Variants in ACVRL1 observed in about 807,000 individuals in gnomAD.
The protein encoded by ACVRL1 is activin receptor type-1-like.
In ACVRL1, 20 loss-of-function variants were observed where a neutral mutation model predicts 51.9. The ratio of observed to expected loss-of-function variants is 0.39; its 90% CI spans 0.27 to 0.56. The LOEUF (loss-of-function observed/expected upper bound fraction) is 0.56, where lower values mean the gene tolerates loss of function less well. Among genes scored for constraint, ACVRL1 ranks in the 20% least tolerant of loss-of-function variants. The pLI is 0.67. For missense variants in ACVRL1, 451 were observed against 670.3 expected (o/e 0.67, Z 3.61); for synonymous variants, 288 against 280.9 (o/e 1.03, Z -0.25).
At chr12:51,920,664 A>G in intron 9 of ACVRL1, 95 bp from the exon 10 acceptor site, 2 of 1,415,896 alleles carry the variant, frequency 1.4e-6, no homozygotes, top group Non-Finnish European at 1.9e-6. Flanking sequence ...ATCTTCTCTG[A>G]CCCACCTCCC....
At position 51,907,895 on chromosome 12, in the gene ACVRL1, G is replaced by A. The variant is rs1386074914; in HGVS notation, c.-6+200G>A. 6.6e-6 allele frequency among the ~76,000 whole-genome samples: 1 copy of A among 152,224 alleles called. No homozygotes were observed. The highest frequency in any genetic ancestry group is 1.5e-5 in the Non-Finnish European group (1 of 68,032). Reference sequence around the variant, plus strand: ...ACCTGAGACTTGGAGGGGAATGGACGAGACTGGACTGGAAATCAGAAACTT... The same window carrying A: ...ACCTGAGACTTGGAGGGGAATGGACAAGACTGGACTGGAAATCAGAAACTT... On this transcript the variant is annotated intron_variant, in intron 1 of 9. Coordinates refer to ENST00000388922, the MANE Select transcript of ACVRL1 (RefSeq NM_000020.3). The surrounding 1 kb of genome is among the most constrained non-coding windows in gnomAD (Gnocchi z 4.5).
chr12:51,913,142 G>C lies in ACVRL1; in HGVS notation c.105G>C (p.Thr35=), dbSNP rs757588086. 1.2e-6 allele frequency: 2 copies of C among 1,607,028 alleles called. No individual in the cohort carries two copies. Among genetic ancestry groups the C allele is most frequent in the East Asian group, 4.5e-5 (2 of 44,748 alleles). The stretch of plus-strand genomic sequence containing the variant: ...CTCGGGGCCCGCTGGTGACCTGCAC[G>C]TGTGAGAGCCCACATTGCAAGGGGC... ...KPSRGPLVTC[T]CESPHCKGPT... is the part of the protein sequence containing the mutation. The change falls in exon 3 of 10, where the codon ACG becomes ACC. Residue 35 remains threonine, a synonymous_variant. Transcript: ENST00000388922.
At chr12:51,912,830 A>C (rs2139063503) in intron 2 of ACVRL1, among the ~76,000 whole-genome samples, 1 of 152,150 alleles carries the variant, frequency 6.6e-6, no homozygotes, top group African/African-American at 2.4e-5. Context: ...GAGAGCACTC[A>C]GGGCTGGGGC....
chr12:51,914,890 T>A lies in ACVRL1; in HGVS notation c.772+305T>A, dbSNP rs150466281. Among the ~76,000 whole-genome samples the A allele has an allele frequency of 0.082, 12,445 of 152,142 alleles. 594 individuals are homozygous for A. The highest frequency in any genetic ancestry group is 0.14 in the South Asian group (660 of 4,824). On this transcript the variant is annotated intron_variant, in intron 6 of 9. Transcript: ENST00000388922. ...TCTTGAGTAGCTGGGACCACAGGCA[T>A]GTGCCACCATGCCCAGCTAACTTTT...
rs1267659870 is a variant in ACVRL1, at chr12:51,912,634, G to A, written c.61+99G>A. 4.7e-6 allele frequency: 5 copies of A among 1,068,118 alleles called. No homozygotes were observed. The Admixed American group carries it at 5.8e-5, about 12-fold the overall frequency. The allele number at this position is 1,068,118 out of a possible 1,614,324, so 66.2% of individuals were successfully genotyped here. On this transcript the variant is annotated intron_variant, in intron 2 of 9. Transcript: ENST00000388922. ...GCCTGGGGCTGAACTTGAGAAGCTGGGGAGAATGTAGGAGCTTGACTGGAG... is the reference window on the plus strand; with the variant it reads ...GCCTGGGGCTGAACTTGAGAAGCTGAGGAGAATGTAGGAGCTTGACTGGAG...
intron 3 of ACVRL1, 94 bp from the exon 4 acceptor site, chr12:51,913,465 G>A (rs1940745894): frequency 1.5e-6 from 2 of 1,317,342 alleles, no homozygotes; most frequent in African/African-American, 1.5e-5. Flanking sequence ...GAGCGGGTGG[G>A]CAGGACTCTG....
chr12:51,918,258 G>C (rs1940886561), intron 8 of ACVRL1, among the ~76,000 whole-genome samples: 1 of 152,224 alleles, frequency 6.6e-6, no homozygotes, highest in Non-Finnish European at 1.5e-5. Flanking sequence ...GTGGACCTGG[G>C]TAAAAAGATA....
chr12:51,911,113 G>A (rs181849930), intron 1 of ACVRL1, among the ~76,000 whole-genome samples: 110 of 152,340 alleles, frequency 7.2e-4, no homozygotes, highest in African/African-American at 2.6e-3. Flanking sequence ...CCTGCCTGAG[G>A]ATCCAGTCCC....
chr12:51,913,227 CA>C lies in ACVRL1; in HGVS notation c.191del (p.Gln64ArgfsTer58). ...VLVREEGRHPQEHRGCGNLHR... is the reference protein window; with the variant it reads ...VLVREEGRHPXEHRGCGNLHR... ...GGTGCGGGAGGAGGGGAGGCACCCCCAGGAACATCGGGGCTGCGGGAACTTG... is the reference window on the plus strand; with the variant it reads ...GGTGCGGGAGGAGGGGAGGCACCCCCGGAACATCGGGGCTGCGGGAACTTG... On this transcript the variant is annotated frameshift_variant, in exon 3 of 10. Transcript: ENST00000388922. LOFTEE classifies it high-confidence loss of function. The C allele has an allele frequency of 6.3e-7, 1 of 1,590,218 alleles. No individual in the cohort carries two copies.
At chr12:51,910,507 G>A (rs576819149) in intron 1 of ACVRL1, among the ~76,000 whole-genome samples, 1 of 152,306 alleles carries the variant, frequency 6.6e-6, no homozygotes, top group East Asian at 1.9e-4. Flanking sequence ...ATTCTGATGC[G>A]TGATAAAGTA....
Position 51,917,131 on chromosome 12 carries a change from A to G in ACVRL1, c.1246+898A>G, listed in dbSNP as rs1044651206. 2.0e-5 allele frequency among the ~76,000 whole-genome samples: 3 copies of G among 152,194 alleles called. No homozygotes were observed. Among genetic ancestry groups the G allele is most frequent in the Non-Finnish European group, 2.9e-5 (2 of 68,034 alleles). On this transcript the variant is annotated intron_variant, in intron 8 of 9. Coordinates refer to ENST00000388922, the MANE Select transcript of ACVRL1 (RefSeq NM_000020.3). This position sits in a 1 kb window ranked among gnomAD's most constrained non-coding sequence, Gnocchi z 4.2. ...GAGTGCCTGACATCATATTGTCCCC[A>G]TTTTACAGTTGAGGAGACGGGGGCA...
chr12:51,913,402 C>T, intron 3 of ACVRL1, 52 bp downstream of exon 3: 3 of 1,597,610 alleles, frequency 1.9e-6, no homozygotes, highest in Non-Finnish European at 2.6e-6. Context: ...CCCCTGCCCT[C>T]CCTTCCCTCC....
In ACVRL1 at chr12:51,920,943, G is replaced by GGGGGGGGGGCCCC; in HGVS notation, c.*52_*53insGGGGGGGCCCCGG. The GGGGGGGGGGCCCC allele has an allele frequency of 1.2e-6, 1 of 860,108 alleles. No individual in the cohort carries two copies. 53.3% of individuals were successfully genotyped at this position (860,108 alleles called of 1,614,324 possible). A position where few individuals can be genotyped will look rare whatever the true frequency, so the allele number is the denominator to read the frequency against. Reference sequence around the variant, plus strand: ...GCCTGCAGGGGGCTGGGGGGGTGGGGGGCAGTGGATGGTGCCCTATCTGGG... The same window carrying GGGGGGGGGGCCCC: ...GCCTGCAGGGGGCTGGGGGGGTGGGGGGGGGGGGGCCCCGGCAGTGGATGGTGCCCTATCTGGG... On this transcript the variant is annotated 3_prime_UTR_variant, in exon 10 of 10. Coordinates refer to ENST00000388922, the MANE Select transcript of ACVRL1 (RefSeq NM_000020.3).
intron 7 of ACVRL1, chr12:51,915,768 C>T (rs1940822733): frequency 1.6e-6 from 1 of 644,586 alleles, no homozygotes; most frequent in Non-Finnish European, 2.6e-6. Flanking sequence ...TCGCCAGCCT[C>T]CAGGTCTGCT....
In ACVRL1 at chr12:51,913,215, G is replaced by A. The variant is rs1213329531; in HGVS notation, c.178G>A (p.Gly60Arg). Reference protein sequence around the residue: ...WCTVVLVREEGRHPQEHRGCG... With the variant: ...WCTVVLVREERRHPQEHRGCG... The stretch of plus-strand genomic sequence containing the variant: ...CACAGTAGTGCTGGTGCGGGAGGAG[G>A]GGAGGCACCCCCAGGAACATCGGGG... The change falls in exon 3 of 10, where the codon GGG becomes AGG. Residue 60 changes from glycine (G) to arginine (R), a missense_variant. Transcript: ENST00000388922. The A allele has an allele frequency of 1.9e-6, 3 of 1,590,658 alleles. No homozygotes were observed. Among genetic ancestry groups the A allele is most frequent in the African/African-American group, 1.3e-5 (1 of 74,754 alleles).
Position 51,920,824 on chromosome 12 carries a change from C to G in ACVRL1, c.1443C>G (p.Thr481=), listed in dbSNP as rs1219639551. The G allele has an allele frequency of 4.3e-6, 7 of 1,613,402 alleles. No homozygotes were observed. Among genetic ancestry groups the G allele is most frequent in the Non-Finnish European group, 5.9e-6 (7 of 1,179,696 alleles). Residue 481 remains threonine (T), a synonymous_variant, in exon 10 of 10, where the codon ACC becomes ACG. Coordinates refer to ENST00000388922, the MANE Select transcript of ACVRL1 (RefSeq NM_000020.3). ...CWYPNPSARL[T]ALRIKKTLQK... is the part of the protein sequence containing the mutation. ...ACCCAAACCCCTCTGCCCGACTCAC[C>G]GCGCTGCGGATCAAGAAGACACTAC... is the stretch of plus-strand genomic sequence containing the variant.
chr12:51,914,177 G>A, intron 5 of ACVRL1, 104 bp downstream of exon 5: 3 of 1,300,878 alleles, frequency 2.3e-6, no homozygotes, highest in Admixed American at 2.0e-5. Context: ...GCCAGGCCTG[G>A]GTCAGAATTG....
intron 8 of ACVRL1, among the ~76,000 whole-genome samples, chr12:51,918,116 C>T (rs1292214496): frequency 6.6e-6 from 1 of 152,078 alleles, no homozygotes; most frequent in Non-Finnish European, 1.5e-5. Context: ...GGGCTGTCTG[C>T]GGCTCCACCG....
chr12:51,915,647 G>C, intron 7 of ACVRL1, 147 bp downstream of exon 7: 1 of 1,123,596 alleles, frequency 8.9e-7, no homozygotes, highest in Non-Finnish European at 1.2e-6. Flanking sequence ...AAGACCCCAC[G>C]AGTTGTCTGA....
Sources: gnomAD v4.1 joint callset for allele counts (sites outside exome capture counted in the v4.1 genomes callset) on GRCh38, gnomAD v4.1.1 for gene constraint, Gnocchi (gnomAD v3.1) non-coding constraint, MANE v1.5 for transcripts, NCBI Gene and HGNC (gene_info 2026-07-23, HGNC 2026-07-21) for gene names.